AGBL1: variants seen among roughly 807,000 people sequenced by gnomAD.
AGBL1 encodes the protein AGBL carboxypeptidase 1.
AGBL1 carries 130 observed loss-of-function variants against 118.9 expected under a neutral mutation model. The observed-to-expected ratio is 1.09, with a 90% confidence interval of 0.95 to 1.26. AGBL1 has a LOEUF of 1.26. AGBL1 is among the 50% of genes most tolerant of loss of function. The pLI is 0.00. For missense variants in AGBL1, 1,584 were observed against 1,298.1 expected, an observed-to-expected ratio of 1.22 and a Z score of -3.38; for synonymous variants, 555 against 478.9, an observed-to-expected ratio of 1.16 and a Z score of -2.08.
At chr15:86,092,369 G>A (rs1005599546) in intron 1 of AGBL1, among the ~76,000 whole-genome samples, 4 of 152,110 alleles carry the variant, frequency 2.6e-5, no homozygotes, top group Non-Finnish European at 5.9e-5. Context: ...AAAGAGGGGG[G>A]ATCTCAGTTG....
chr15:86,281,186 C>T (rs887127894), intron 16 of AGBL1, among the ~76,000 whole-genome samples: 19 of 152,126 alleles, frequency 1.2e-4, no homozygotes, highest in African/African-American at 4.6e-4. Flanking sequence ...AGTTCGAGAC[C>T]AGCCTGGGCA....
chr15:86,117,159 C>A (rs1433123961), intron 1 of AGBL1, among the ~76,000 whole-genome samples: 1 of 151,996 alleles, frequency 6.6e-6, no homozygotes, highest in Admixed American at 6.6e-5. Flanking sequence ...TGGGGGTCCA[C>A]ACTCATGGCT....
chr15:86,488,994 T>A (rs748126254), intron 18 of AGBL1, among the ~76,000 whole-genome samples: 1 of 152,094 alleles, frequency 6.6e-6, no homozygotes, highest in Non-Finnish European at 1.5e-5. Flanking sequence ...AGCTGAGCAA[T>A]GATTTCTTTG....
Position 86,363,251 on chromosome 15 carries a change from G to A in AGBL1, c.2375-34115G>A, listed in dbSNP as rs113198210. On this transcript the variant is annotated intron_variant, in intron 17 of 22. Transcript: ENST00000614907. ...TGCCAGATCAATTTTTGTGTGGGCA[G>A]ATGCAAACTGGGCACCTCCTGTTCT... 9.9e-3 allele frequency among the ~76,000 whole-genome samples: 1,511 copies of A among 152,256 alleles called. 37 individuals are homozygous for A. The highest frequency in any genetic ancestry group is 0.034 in the African/African-American group (1,403 of 41,540).
intron 22 of AGBL1, among the ~76,000 whole-genome samples, chr15:86,778,828 G>A (rs2078294044): frequency 6.6e-6 from 1 of 152,150 alleles, no homozygotes; most frequent in Non-Finnish European, 1.5e-5. Context: ...AGTAAAGACA[G>A]GCATAGGAAA....
intron 19 of AGBL1, among the ~76,000 whole-genome samples, chr15:86,534,689 C>G (rs1555423263): frequency 6.6e-6 from 1 of 152,072 alleles, no homozygotes; most frequent in Non-Finnish European, 1.5e-5. Flanking sequence ...TATTCAGTAA[C>G]TAAAACCAAA....
chr15:86,447,007 G>A (rs551639958), intron 18 of AGBL1, among the ~76,000 whole-genome samples: 114 of 152,270 alleles, frequency 7.5e-4, no homozygotes, highest in Non-Finnish European at 1.3e-3. Flanking sequence ...AATGCAGATC[G>A]TATACTTTAG....
intron 23 of AGBL1, among the ~76,000 whole-genome samples, chr15:86,936,007 G>T (rs2080669358): frequency 6.6e-6 from 1 of 152,256 alleles, no homozygotes; most frequent in Non-Finnish European, 1.5e-5. Context: ...CGGCTGAAGA[G>T]CCCTGCTCCA....
At chr15:86,747,654 G>A (rs2077776812) in intron 22 of AGBL1, among the ~76,000 whole-genome samples, 1 of 152,074 alleles carries the variant, frequency 6.6e-6, no homozygotes, top group African/African-American at 2.4e-5. Flanking sequence ...ACAGGCCCCA[G>A]TGTGTGATGT....
downstream of AGBL1, among the ~76,000 whole-genome samples, chr15:86,916,691 A>G (rs1293849461): frequency 2.0e-5 from 3 of 152,164 alleles, no homozygotes; most frequent in African/African-American, 7.2e-5. Context: ...TGGAGGGTGA[A>G]GGGCTGGACC....
intron 23 of AGBL1, among the ~76,000 whole-genome samples, chr15:86,974,937 A>G (rs1242842007): frequency 6.6e-6 from 1 of 151,614 alleles, no homozygotes; most frequent in East Asian, 1.9e-4. Flanking sequence ...TTGCAGGGGG[A>G]TTATTGGAGC....
rs1406736471 is a variant in AGBL1, at chr15:86,915,027, G to C, written c.*7733G>C. ...TAAACCGGCGTTGTTTGATTTATTT[G>C]TGTGCCAGATGCAGAGCTCACTGTC... On this transcript the variant is annotated 3_prime_UTR_variant, in exon 23 of 23. Transcript: ENST00000614907. 2 of 152,098 alleles carry C rather than the reference G, an allele frequency of 1.3e-5. No individual in the cohort carries two copies. Among genetic ancestry groups the C allele is most frequent in the Admixed American group, 6.5e-5 (1 of 15,282 alleles). The allele number at this position is 152,098 out of a possible 1,614,324, so 9.4% of individuals were successfully genotyped here. A position where few individuals can be genotyped will look rare whatever the true frequency, so the allele number is the denominator to read the frequency against.
chr15:86,523,416 A>G (rs1414793933), intron 19 of AGBL1, among the ~76,000 whole-genome samples: 1 of 150,214 alleles, frequency 6.7e-6, no homozygotes, highest in African/African-American at 2.5e-5. Context: ...TGGCCTCATC[A>G]TAGTTTTATC....
intron 3 of AGBL1, among the ~76,000 whole-genome samples, chr15:86,152,918 C>T (rs542441872): frequency 2.2e-4 from 33 of 152,318 alleles, no homozygotes; most frequent in Admixed American, 1.2e-3. Flanking sequence ...AAATGCTCAT[C>T]ATCACTGGTC....
At chr15:86,712,453 T>C (rs2086575358) in intron 22 of AGBL1, among the ~76,000 whole-genome samples, 1 of 152,090 alleles carries the variant, frequency 6.6e-6, no homozygotes, top group South Asian at 2.1e-4. Context: ...ACTGAGAGAT[T>C]AGGCAATTGG....
intron 5 of AGBL1, among the ~76,000 whole-genome samples, chr15:86,172,687 G>T (rs1194224103): frequency 6.6e-6 from 1 of 152,094 alleles, no homozygotes; most frequent in Non-Finnish European, 1.5e-5. Flanking sequence ...TTTCATTCTT[G>T]TTTAATGGTG....
At chr15:86,987,905 T>C in intron 23 of AGBL1, 1 of 1,514,782 alleles carries the variant, frequency 6.6e-7, no homozygotes, top group Admixed American at 2.0e-5. Context: ...AATAATATGT[T>C]TTTAAAATCC....
intron 5 of AGBL1, among the ~76,000 whole-genome samples, chr15:86,192,169 T>C (rs545482223): frequency 1.2e-4 from 18 of 151,028 alleles, no homozygotes; most frequent in Admixed American, 3.3e-4. Flanking sequence ...CACACACACA[T>C]GCACACACAC....
chr15:86,721,534 C>G (rs906118202), intron 22 of AGBL1, among the ~76,000 whole-genome samples: 1 of 152,124 alleles, frequency 6.6e-6, no homozygotes, highest in African/African-American at 2.4e-5. Flanking sequence ...CTATGACAAA[C>G]CCACAGCCAA....
Sources: allele counts gnomAD v4.1 joint callset (sites outside exome capture counted in the v4.1 genomes callset), GRCh38; gene constraint gnomAD v4.1.1; transcripts MANE v1.5; gene names NCBI Gene and HGNC (gene_info 2026-07-23, HGNC 2026-07-21).